SECISBP2: variants seen among roughly 807,000 people sequenced by gnomAD.
The protein encoded by SECISBP2 is SECIS binding protein 2, also known as selenocysteine insertion sequence-binding protein 2.
In SECISBP2, 96 loss-of-function variants were observed where a neutral mutation model predicts 98.2. The ratio of observed to expected loss-of-function variants is 0.98; its 90% CI spans 0.83 to 1.16. The LOEUF (loss-of-function observed/expected upper bound fraction) is 1.16. Among genes scored for constraint, SECISBP2 ranks in the 50% most tolerant of loss-of-function variants. The probability of loss-of-function intolerance (pLI) is 0.00; values close to 1 mark genes in which losing one functional copy is unlikely to be tolerated. For synonymous variants in SECISBP2, 407 were observed against 370.2 expected, an observed-to-expected ratio of 1.10 and a Z score of -1.14; for missense variants, 1,046 against 1,022.9, an observed-to-expected ratio of 1.02 and a Z score of -0.31.
chr9:89,362,266 T>G, downstream of SECISBP2: 1 of 1,480,486 alleles, frequency 6.8e-7, no homozygotes, highest in Non-Finnish European at 9.4e-7. Flanking sequence ...GGTGGCCCAA[T>G]GGCTGTGTTC....
Position 89,349,983 on chromosome 9 carries a change from C to G in SECISBP2, c.1892+54C>G, listed in dbSNP as rs538694309. On this transcript the variant is annotated intron_variant, in intron 13 of 16. Coordinates refer to ENST00000375807, the MANE Select transcript of SECISBP2 (RefSeq NM_024077.5). ...AGGGGAAGATGGAAGTGCTTCGGTT[C>G]AGTATGGCATTGATATCTCCCATAA... 1.3e-4 allele frequency: 209 copies of G among 1,596,766 alleles called. 1 individual carries two copies. Among genetic ancestry groups the G allele is most frequent in the Middle Eastern group, 8.3e-4 (5 of 6,020 alleles).
intron 11 of SECISBP2, 92 bp downstream of exon 11, chr9:89,347,140 T>C: frequency 7.6e-7 from 1 of 1,323,382 alleles, no homozygotes; most frequent in Non-Finnish European, 1.1e-6. Context: ...TTTTAGATTT[T>C]ACGACTTGTA....
intron 16 of SECISBP2, among the ~76,000 whole-genome samples, chr9:89,358,453 G>A (rs981243440): frequency 6.6e-6 from 1 of 151,906 alleles, no homozygotes; most frequent in Non-Finnish European, 1.5e-5. Flanking sequence ...AGGCTTGGAA[G>A]GCCAAGTAAA....
chr9:89,335,639 CTT>C (rs907591904), intron 7 of SECISBP2, among the ~76,000 whole-genome samples: 1 of 151,984 alleles, frequency 6.6e-6, no homozygotes, highest in Non-Finnish European at 1.5e-5. Flanking sequence ...CCAGGATAGT[CTT>C]TTTTTAATCC....
chr9:89,328,968 G>T, intron 5 of SECISBP2, 82 bp downstream of exon 5: 2 of 1,194,460 alleles, frequency 1.7e-6, no homozygotes, highest in Non-Finnish European at 1.2e-6. Context: ...ATTAAATCTT[G>T]CTGTGGGCTT....
intron 10 of SECISBP2, 74 bp downstream of exon 10, chr9:89,341,553 C>T (rs764787355): frequency 1.1e-4 from 172 of 1,567,628 alleles, no homozygotes; most frequent in Non-Finnish European, 1.4e-4. Context: ...ACCATTTTCT[C>T]TTGTTATCAA....
In SECISBP2 at chr9:89,335,137, A is replaced by C. The variant is rs563922243; in HGVS notation, c.1089+407A>C. 4.6e-5 allele frequency among the ~76,000 whole-genome samples: 7 copies of C among 150,652 alleles called. No homozygotes were observed. The South Asian group carries it at 1.1e-3, about 23-fold the overall frequency. On this transcript the variant is annotated intron_variant, in intron 7 of 16. Coordinates refer to ENST00000375807, the MANE Select transcript of SECISBP2 (RefSeq NM_024077.5). The stretch of plus-strand genomic sequence containing the variant: ...AGGCTGAGACAGGAGAATGGCATGA[A>C]CCCGGGAGGCGGAGCTTGTAGTGAG...
At chr9:89,364,097 C>T (rs1564479304), downstream of SECISBP2, 19 of 1,509,006 alleles carry the variant, frequency 1.3e-5, no homozygotes, top group South Asian at 2.0e-4. Context: ...TGGGACTGCC[C>T]TGGAGGTGGC....
intron 10 of SECISBP2, among the ~76,000 whole-genome samples, chr9:89,345,375 T>A (rs980208400): frequency 1.4e-4 from 22 of 152,186 alleles, no homozygotes; most frequent in South Asian, 4.1e-4. Flanking sequence ...TTTCATAGCC[T>A]TGGCACCTGT....
intron 5 of SECISBP2, 77 bp downstream of exon 5, chr9:89,328,963 AT>A: frequency 8.1e-7 from 1 of 1,233,492 alleles, no homozygotes; most frequent in Non-Finnish European, 1.2e-6. Context: ...TACACATTAA[AT>A]CTTGCTGTGG....
rs1829622916 is a variant in SECISBP2 at position 89,341,328 on chromosome 9, AC to A, written c.1303-18del. 1.2e-6 allele frequency: 2 copies of A among 1,608,954 alleles called. No individual in the cohort carries two copies. The highest frequency in any genetic ancestry group is 1.7e-6 in the Non-Finnish European group (2 of 1,175,568). ...TTTGTATAGTTTTATAAGTAAACTT[AC>A]GAATTTTGAACTTTCAGGATAATTT... On this transcript the variant is annotated intron_variant, in intron 9 of 16. Coordinates refer to ENST00000375807, the MANE Select transcript of SECISBP2 (RefSeq NM_024077.5).
Position 89,332,933 on chromosome 9 carries a change from C to G in SECISBP2, c.827C>G (p.Pro276Arg), listed in dbSNP as rs986055090. 2 of 1,613,744 alleles carry G rather than the reference C, an allele frequency of 1.2e-6. No individual in the cohort carries two copies. Among genetic ancestry groups the G allele is most frequent in the African/African-American group, 2.7e-5 (2 of 74,900 alleles). The stretch of plus-strand genomic sequence containing the variant: ...GGTGAAATAGTGGTGAAAAATAACC[C>G]AAATGAATCTGTAACTGCTAATGCC... ...SKGEIVVKNN[P>R]NESVTANAAT... Residue 276 changes from proline to arginine, a missense_variant, in exon 6 of 17, where the codon CCA becomes CGA. Transcript: ENST00000375807.
chr9:89,334,805 T>G, intron 7 of SECISBP2, 75 bp downstream of exon 7: 1 of 1,075,966 alleles, frequency 9.3e-7, no homozygotes, highest in East Asian at 2.4e-5. Context: ...AGAAGTTATT[T>G]ATTAATGGGT....
chr9:89,339,811 A>G (rs1391627513), intron 8 of SECISBP2, 53 bp from the exon 9 acceptor site: 4 of 1,219,976 alleles, frequency 3.3e-6, no homozygotes, highest in South Asian at 1.2e-5. Flanking sequence ...AAAAGGTTGC[A>G]CTTGGCATGT....
chr9:89,332,848 T>A, intron 5 of SECISBP2, 60 bp from the exon 6 acceptor site: 2 of 1,292,734 alleles, frequency 1.5e-6, no homozygotes, highest in Non-Finnish European at 2.2e-6. Context: ...TGATATGTAG[T>A]GTTATCTCCT....
chr9:89,362,543 C>CTGT (rs1231850190), downstream of SECISBP2: 2 of 1,571,264 alleles, frequency 1.3e-6, no homozygotes, highest in East Asian at 4.5e-5. Context: ...CCTCAGCCCC[C>CTGT]TGTTGTGGTT....
chr9:89,360,625 A>G (rs911342091), downstream of SECISBP2, among the ~76,000 whole-genome samples: 2 of 152,128 alleles, frequency 1.3e-5, no homozygotes, highest in African/African-American at 2.4e-5. Context: ...GATTTAACCA[A>G]ACTCTCATCA....
chr9:89,344,356 TG>T (rs749829291), intron 10 of SECISBP2, among the ~76,000 whole-genome samples: 8 of 152,278 alleles, frequency 5.3e-5, no homozygotes, highest in Non-Finnish European at 1.0e-4. Context: ...TTGCAGCTTT[TG>T]ATGTCTTTGT....
Position 89,346,961 on chromosome 9 carries a change from C to T in SECISBP2, c.1515C>T (p.His505=), listed in dbSNP as rs370095385. Residue 505 remains histidine (H), a synonymous_variant, in exon 11 of 17, where the codon CAC becomes CAT. Transcript: ENST00000375807. Reference sequence around the variant, plus strand: ...GCATGAGTCAAATGAAGACCCCGCACAATCCCTTGGACTCCAGCGCCCCAC... The same window carrying T: ...GCATGAGTCAAATGAAGACCCCGCATAATCCCTTGGACTCCAGCGCCCCAC... The part of the protein sequence containing the change: ...GRRMSQMKTP[H]NPLDSSAPLM... The T allele has an allele frequency of 6.4e-5, 104 of 1,614,074 alleles. No individual in the cohort carries two copies. The highest frequency in any genetic ancestry group is 8.7e-5 in the Non-Finnish European group (103 of 1,180,042).
Sources: gnomAD v4.1 joint callset for allele counts (sites outside exome capture counted in the v4.1 genomes callset) on GRCh38, gnomAD v4.1.1 for gene constraint, MANE v1.5 for transcripts, NCBI Gene and HGNC (gene_info 2026-07-23, HGNC 2026-07-21) for gene names.